Variants in MADD observed in about 807,000 individuals in gnomAD.
MADD encodes MAP kinase-activating death domain protein.
A neutral mutation model predicts 176.7 loss-of-function variants in MADD; 109 were observed. That is an observed-to-expected ratio of 0.62 (90% confidence interval 0.53 to 0.72). MADD has a LOEUF of 0.72. MADD is among the 30% of genes least tolerant of loss of function. MADD has a pLI of 0.00. For synonymous variants in MADD, 771 were observed against 771.3 expected, an observed-to-expected ratio of 1.00 and a Z score of 0.01; for missense variants, 1,914 against 2,045.5, an observed-to-expected ratio of 0.94 and a Z score of 1.24.
At chr11:47,300,812 A>G (rs2077145227) in intron 22 of MADD, among the ~76,000 whole-genome samples, 1 of 152,058 alleles carries the variant, frequency 6.6e-6, no homozygotes, top group Non-Finnish European at 1.5e-5. Context: ...GAAGCTTTTT[A>G]TTACAGATTC....
chr11:47,305,836 C>T (rs538808092), intron 22 of MADD, among the ~76,000 whole-genome samples: 1 of 152,214 alleles, frequency 6.6e-6, no homozygotes, highest in South Asian at 2.1e-4. Flanking sequence ...TCAGCTCAGC[C>T]ACTGCTCTGT....
At chr11:47,269,725 T>G (rs1445291370), upstream of MADD, 20 of 149,434 alleles carry the variant, frequency 1.3e-4, no homozygotes, top group East Asian at 4.0e-3. Flanking sequence ...GCTTCCCTGC[T>G]CGGACGCCGA....
chr11:47,322,645 A>G (rs1227389465), intron 27 of MADD, among the ~76,000 whole-genome samples: 1 of 152,176 alleles, frequency 6.6e-6, no homozygotes. Context: ...CTGAAAGAGA[A>G]TGTTGAACAA....
At chr11:47,303,239 G>GTTTTTTTTTTTTTTTTTTTTTTTT (rs35658298) in intron 22 of MADD, among the ~76,000 whole-genome samples, 1 of 108,150 alleles carries the variant, frequency 9.2e-6, no homozygotes. Context: ...TTCTCTTGCT[G>GTTTTTTTTTTTTTTTTTTTTTTTT]TTTTTTTTTT....
exon 28 of MADD, chr11:47,323,758 T>C: frequency 6.2e-7 from 1 of 1,614,172 alleles, no homozygotes; most frequent in Non-Finnish European, 8.5e-7. Context: ...CATGACCTAC[T>C]GTCCCAAGAC....
At chr11:47,290,686 G>T (rs545231221) in exon 19 of MADD, 1 of 1,614,108 alleles carries the variant, frequency 6.2e-7, no homozygotes, top group South Asian at 1.1e-5. Context: ...TAGCTGGGCG[G>T]GGGGACCCAA....
In MADD at chr11:47,282,869, C is replaced by G. The variant is rs762528865; in HGVS notation, c.1762C>G (p.Gln588Glu). The G allele has an allele frequency of 1.4e-5, 22 of 1,614,086 alleles. No individual in the cohort carries two copies. In the Middle Eastern group the frequency reaches 5.0e-4, roughly 36 times the overall value. Residue 588 changes from glutamine to glutamate, a missense_variant, in exon 10 of 33, where the codon CAG becomes GAG. Gln to Glu is a conservative substitution (Grantham distance 29). Coordinates refer to ENST00000402192, the Ensembl canonical transcript of MADD. ...GCCAAAGTGGTATGCTCATCAGCTGCAGCCTATCCACTATCGCGTCTATGA... is the reference window on the plus strand; with the variant it reads ...GCCAAAGTGGTATGCTCATCAGCTGGAGCCTATCCACTATCGCGTCTATGA...
intron 20 of MADD, among the ~76,000 whole-genome samples, chr11:47,294,665 G>A (rs1432337820): frequency 5.8e-5 from 5 of 85,540 alleles, no homozygotes; most frequent in East Asian, 4.6e-4. Flanking sequence ...GTGAGACTCC[G>A]TCTCAAAAAA....
At chr11:47,304,419 C>T (rs895924822) in intron 22 of MADD, among the ~76,000 whole-genome samples, 15 of 151,888 alleles carry the variant, frequency 9.9e-5, no homozygotes, top group Admixed American at 9.2e-4. Flanking sequence ...TTAATAGGGA[C>T]GGGGTTTCTC....
rs988419637 is a variant in MADD, at chr11:47,308,824, T to G, written c.3751+125T>G. The G allele has an allele frequency of 7.8e-6, 8 of 1,019,892 alleles. No individual in the cohort carries two copies. The African/African-American group carries it at 1.1e-4, about 14-fold the overall frequency. The allele number at this position is 1,019,892 out of a possible 1,614,324, so 63.2% of individuals were successfully genotyped here. ...CTTAATGCTAACATTAGATAGCAGTTTTATACCTGAAGCAAGCGACTTACT... is the reference window on the plus strand; with the variant it reads ...CTTAATGCTAACATTAGATAGCAGTGTTATACCTGAAGCAAGCGACTTACT... On this transcript the variant is annotated intron_variant, in intron 23 of 32. Coordinates refer to ENST00000402192, the Ensembl canonical transcript of MADD.
In MADD at chr11:47,324,252, C is replaced by G; in HGVS notation, c.4363-13C>G. ...AGCCCTCATGATGGGACCACTCTCC[C>G]CCTGTGCCACAGTGTCGGGAGCTGT... On this transcript the variant is annotated splice_polypyrimidine_tract_variant and intron_variant, in intron 28 of 32. Coordinates refer to ENST00000402192, the Ensembl canonical transcript of MADD. The G allele has an allele frequency of 6.2e-7, 1 of 1,613,536 alleles. No individual in the cohort carries two copies. Among genetic ancestry groups the G allele is most frequent in the South Asian group, 1.1e-5 (1 of 91,040 alleles).
At chr11:47,281,723 A>G (rs1018695372) in exon 8 of MADD, 7 of 1,611,440 alleles carry the variant, frequency 4.3e-6, no homozygotes, top group African/African-American at 2.7e-5. Context: ...ATCTATGGCA[A>G]TGATGTGGAT....
exon 33 of MADD, chr11:47,329,143 C>G (rs771868215): frequency 1.9e-6 from 3 of 1,613,842 alleles, no homozygotes; most frequent in South Asian, 1.1e-5. Context: ...CGGCCTGTCT[C>G]TAGCTGATGG....
rs527673874 is a variant in MADD, at chr11:47,275,440, C to T, written c.659+281C>T. Among the ~76,000 whole-genome samples, 7 of 152,286 alleles carry T rather than the reference C, an allele frequency of 4.6e-5. No individual in the cohort carries two copies. In the East Asian group the frequency reaches 5.8e-4, roughly 13 times the overall value. ...CCGAGTAGCTGGGATTACAGGTGCA[C>T]GCCACCATGACCAGCTAATTTTGGT... On this transcript the variant is annotated intron_variant, in intron 3 of 32. Transcript: ENST00000402192.
At position 47,327,521 on chromosome 11, in the gene MADD, G is replaced by T. The variant is rs978924858; in HGVS notation, c.4612+714G>T. The T allele has an allele frequency of 1.5e-5, 15 of 985,366 alleles. No homozygotes were observed. In the African/African-American group the frequency reaches 2.3e-4, roughly 15 times the overall value. 61.0% of individuals were successfully genotyped at this position (985,366 alleles called of 1,614,324 possible). ...CTGCCCTGGGTGGGTAGCTCCCATC[G>T]AACCAGCTCCTCACACTGCCAGCTC... On this transcript the variant is annotated intron_variant, in intron 31 of 32. Coordinates refer to ENST00000402192, the Ensembl canonical transcript of MADD.
chr11:47,297,249 T>C (rs748510710), intron 22 of MADD, among the ~76,000 whole-genome samples: 3 of 152,162 alleles, frequency 2.0e-5, no homozygotes, highest in Non-Finnish European at 2.9e-5. Flanking sequence ...AAACTGGTTA[T>C]CATTCCCACC....
In MADD at chr11:47,327,478, A is replaced by G. The variant is rs992913036; in HGVS notation, c.4612+671A>G. ...ACCTCGGCTCGTGCTGCCTCTCCCCAGGTCTCTGCCTTGGGCCCTGCCCTG... is the reference window on the plus strand; with the variant it reads ...ACCTCGGCTCGTGCTGCCTCTCCCCGGGTCTCTGCCTTGGGCCCTGCCCTG... On this transcript the variant is annotated intron_variant, in intron 31 of 32. Coordinates refer to ENST00000402192, the Ensembl canonical transcript of MADD. The G allele has an allele frequency of 4.3e-5, 42 of 985,186 alleles. No individual in the cohort carries two copies. The African/African-American group carries it at 7.3e-4, about 17-fold the overall frequency. 61.0% of individuals were successfully genotyped at this position (985,186 alleles called of 1,614,324 possible). A position where few individuals can be genotyped will look rare whatever the true frequency, so the allele number is the denominator to read the frequency against.
chr11:47,324,897 T>G lies in MADD; in HGVS notation c.4542+320T>G, dbSNP rs2095234501. Reference sequence around the variant, plus strand: ...CACTTGGCCCTTCCCCTGCAGTGTCTCTGCCTTCCTCTATTCCCAGGATAT... The same window carrying G: ...CACTTGGCCCTTCCCCTGCAGTGTCGCTGCCTTCCTCTATTCCCAGGATAT... On this transcript the variant is annotated intron_variant, in intron 30 of 32. Transcript: ENST00000402192. 1.5e-5 allele frequency: 9 copies of G among 603,876 alleles called. No individual in the cohort carries two copies. In the Admixed American group the frequency reaches 2.6e-4, roughly 18 times the overall value. 37.4% of individuals were successfully genotyped at this position (603,876 alleles called of 1,614,324 possible).
chr11:47,324,628 G>A (rs1250454471), intron 30 of MADD, 51 bp downstream of exon 33: 2 of 1,290,794 alleles, frequency 1.5e-6, no homozygotes, highest in East Asian at 4.7e-5. Flanking sequence ...CTGTAAGAAG[G>A]ACCAATGTCC....
Sources: gnomAD v4.1 joint callset for allele counts (sites outside exome capture counted in the v4.1 genomes callset) on GRCh38, gnomAD v4.1.1 for gene constraint, MANE v1.5 for transcripts, NCBI Gene and HGNC (gene_info 2026-07-23, HGNC 2026-07-21) for gene names.